PTPRD: variants seen among roughly 807,000 people sequenced by gnomAD.
PTPRD encodes the protein protein tyrosine phosphatase receptor type D.
PTPRD carries 34 observed loss-of-function variants against 214.5 expected under a neutral mutation model. That is an observed-to-expected ratio of 0.16 (90% CI 0.12 to 0.21). The LOEUF (loss-of-function observed/expected upper bound fraction) is 0.21. Ranked by LOEUF, PTPRD falls within the 10% of genes least tolerant of loss-of-function variation. PTPRD has a pLI of 1.00. For synonymous variants in PTPRD, 1,128 were observed against 845.7 expected, an observed-to-expected ratio of 1.33 and a Z score of -5.79; for missense variants, 2,545 against 2,398.7, an observed-to-expected ratio of 1.06 and a Z score of -1.27.
At chr9:8,730,887 C>A (rs1366370545) in intron 12 of PTPRD, among the ~76,000 whole-genome samples, 1 of 152,174 alleles carries the variant, frequency 6.6e-6, no homozygotes, top group Non-Finnish European at 1.5e-5. Context: ...CACAGCTCTA[C>A]TGTCCAGACA....
chr9:10,045,786 T>A (rs1165248711), intron 3 of PTPRD, among the ~76,000 whole-genome samples: 1 of 151,776 alleles, frequency 6.6e-6, no homozygotes, highest in Non-Finnish European at 1.5e-5. Flanking sequence ...CTACAAATGC[T>A]TTGCCACTAG....
At chr9:9,827,250 C>A (rs1260355067) in intron 5 of PTPRD, among the ~76,000 whole-genome samples, 2 of 152,028 alleles carry the variant, frequency 1.3e-5, no homozygotes, top group African/African-American at 2.4e-5. Context: ...TACCTGACCT[C>A]AAACTATCCT....
Position 8,485,125 on chromosome 9 carries a change from G to A in PTPRD, c.3153+102C>T, listed in dbSNP as rs10122665. The A allele has an allele frequency of 8.7e-3, 7,816 of 902,374 alleles. 401 individuals carry two copies. The African/African-American group carries it at 0.12, about 13-fold the overall frequency. 55.9% of individuals were successfully genotyped at this position (902,374 alleles called of 1,614,324 possible). On this transcript the variant is annotated intron_variant, in intron 29 of 45. Transcript: ENST00000381196. ...ACAAATGAAAATAGCAAGGACACGT[G>A]GCCAAAACAAAGTGGTCTGCTTGCT...
At chr9:10,590,056 G>C (rs1197311581) in intron 2 of PTPRD, among the ~76,000 whole-genome samples, 1 of 151,996 alleles carries the variant, frequency 6.6e-6, no homozygotes, top group Non-Finnish European at 1.5e-5. Context: ...TTCCAAGTTT[G>C]ACACCATGTC....
chr9:8,763,518 A>G (rs929539559), intron 11 of PTPRD, among the ~76,000 whole-genome samples: 1 of 151,956 alleles, frequency 6.6e-6, no homozygotes, highest in Non-Finnish European at 1.5e-5. Flanking sequence ...GTCTCAAAAA[A>G]ATAAAGGCAA....
intron 5 of PTPRD, among the ~76,000 whole-genome samples, chr9:9,853,559 G>GT (rs956772209): frequency 2.0e-4 from 30 of 150,676 alleles, no homozygotes; most frequent in African/African-American, 4.4e-4. Flanking sequence ...TTGTTTTTTG[G>GT]TTTTTTTTTA....
At chr9:10,391,436 C>T (rs2098063313) in intron 2 of PTPRD, among the ~76,000 whole-genome samples, 1 of 151,710 alleles carries the variant, frequency 6.6e-6, no homozygotes. Context: ...ATGGTCTAGC[C>T]TTAAGTGTTA....
At chr9:10,233,991 G>T (rs765874700) in intron 3 of PTPRD, among the ~76,000 whole-genome samples, 3 of 151,462 alleles carry the variant, frequency 2.0e-5, no homozygotes, top group South Asian at 4.2e-4. Flanking sequence ...AGATGATCAC[G>T]CCTGTAATCC....
At chr9:9,918,330 G>A (rs2081516279) in intron 5 of PTPRD, among the ~76,000 whole-genome samples, 2 of 87,080 alleles carry the variant, frequency 2.3e-5, no homozygotes, top group East Asian at 3.2e-4. Context: ...AAATACCTAG[G>A]AATAAATTTA....
chr9:9,874,706 A>C (rs2066386164), intron 5 of PTPRD, among the ~76,000 whole-genome samples: 1 of 152,188 alleles, frequency 6.6e-6, no homozygotes, highest in Non-Finnish European at 1.5e-5. Context: ...TAAATGATTT[A>C]TTTATTACTC....
chr9:8,958,506 G>A (rs138897784), intron 11 of PTPRD, among the ~76,000 whole-genome samples: 3 of 151,778 alleles, frequency 2.0e-5, no homozygotes, highest in Admixed American at 6.6e-5. Flanking sequence ...CAATGTGATG[G>A]CCCAGAAGAA....
intron 5 of PTPRD, among the ~76,000 whole-genome samples, chr9:9,859,101 G>A (rs780992673): frequency 6.6e-6 from 1 of 152,114 alleles, no homozygotes; most frequent in Non-Finnish European, 1.5e-5. Context: ...TGATTTTAAA[G>A]TGCAGCACTC....
At chr9:9,845,923 A>G (rs1009466048) in intron 5 of PTPRD, among the ~76,000 whole-genome samples, 1 of 152,052 alleles carries the variant, frequency 6.6e-6, no homozygotes, top group Non-Finnish European at 1.5e-5. Flanking sequence ...TGGAGCAGAG[A>G]AGGAGCAGAG....
At chr9:10,242,297 G>A (rs2091234257) in intron 3 of PTPRD, among the ~76,000 whole-genome samples, 1 of 151,862 alleles carries the variant, frequency 6.6e-6, no homozygotes, top group Non-Finnish European at 1.5e-5. Flanking sequence ...ATTTCTTTAA[G>A]CTCCCATATA....
chr9:9,297,324 G>A (rs749333120), intron 9 of PTPRD, among the ~76,000 whole-genome samples: 11 of 151,480 alleles, frequency 7.3e-5, no homozygotes, highest in Non-Finnish European at 3.0e-5. Flanking sequence ...ACAGAGATAT[G>A]GTTTTGGGTC....
intron 3 of PTPRD, among the ~76,000 whole-genome samples, chr9:10,162,283 T>C (rs888304682): frequency 6.6e-6 from 1 of 151,464 alleles, no homozygotes; most frequent in Non-Finnish European, 1.5e-5. Flanking sequence ...AAAATAAAAA[T>C]TGAATCAACC....
At chr9:9,709,100 G>T (rs1218697697) in intron 7 of PTPRD, among the ~76,000 whole-genome samples, 2 of 151,818 alleles carry the variant, frequency 1.3e-5, no homozygotes, top group Non-Finnish European at 2.9e-5. Context: ...TGAATAAATT[G>T]GCATATAAGT....
chr9:9,959,529 A>G (rs12352376), intron 4 of PTPRD, among the ~76,000 whole-genome samples: 6,050 of 152,278 alleles, frequency 0.04, 147 homozygotes, highest in Non-Finnish European at 0.058. Flanking sequence ...TGATCCTAGA[A>G]AAACTTCCTA....
At chr9:8,866,325 TCTTTC>T (rs2098194693) in intron 11 of PTPRD, among the ~76,000 whole-genome samples, 1 of 152,186 alleles carries the variant, frequency 6.6e-6, no homozygotes, top group African/African-American at 2.4e-5. Flanking sequence ...GATCATGTTT[TCTTTC>T]CTTTTCTTAC....
Sources: allele counts gnomAD v4.1 joint callset (sites outside exome capture counted in the v4.1 genomes callset), GRCh38; gene constraint gnomAD v4.1.1; transcripts MANE v1.5; gene names NCBI Gene and HGNC (gene_info 2026-07-23, HGNC 2026-07-21).